The following COL5A2 variants were observed in gnomAD, a reference collection of about 807,000 sequenced individuals.
COL5A2 encodes collagen type V alpha 2 chain.
In COL5A2, 23 loss-of-function variants were observed where a neutral mutation model predicts 208.2. The observed-to-expected ratio is 0.11, with a 90% CI of 0.08 to 0.16. The LOEUF is 0.16. Ranked by LOEUF, COL5A2 falls within the 10% of genes least tolerant of loss-of-function variation. The pLI, the probability that COL5A2 is intolerant of heterozygous loss-of-function variation, is 1.00. For synonymous variants in COL5A2, 625 were observed against 628.5 expected (o/e 0.99, Z 0.08); for missense variants, 1,590 against 1,956.4 (o/e 0.81, Z 3.53).
intron 7 of COL5A2, among the ~76,000 whole-genome samples, chr2:189,089,181 T>G (rs1168271140): frequency 6.6e-6 from 1 of 152,224 alleles, no homozygotes; most frequent in Admixed American, 6.5e-5. Context: ...GTCCTAAAGA[T>G]TCCAGATTCC....
chr2:189,186,306 T>C (rs1688851367), intron 1 of COL5A2, among the ~76,000 whole-genome samples: 1 of 152,128 alleles, frequency 6.6e-6, no homozygotes, highest in African/African-American at 2.4e-5. Context: ...CAACAAACCA[T>C]AATTTTTGAA....
At chr2:189,072,778 A>AG (rs1436104621) in intron 17 of COL5A2, among the ~76,000 whole-genome samples, 2 of 151,822 alleles carry the variant, frequency 1.3e-5, no homozygotes, top group East Asian at 1.9e-4. Flanking sequence ...AAAAAAAAAA[A>AG]AAAAAAAACC....
the COL5A2 span, among the ~76,000 whole-genome samples, chr2:189,403,318 G>A: frequency 0.57 from 86,109 of 152,086 alleles, 26,158 homozygotes; most frequent in East Asian, 0.69. Flanking sequence ...GGGTTGAGAC[G>A]TGGGCTTTTC....
chr2:189,110,425 C>A lies in COL5A2; in HGVS notation c.122G>T (p.Cys41Phe). The change falls in exon 2 of 54, where the codon TGC becomes TTC. Residue 41 changes from cysteine (C) to phenylalanine (F), a missense_variant. Physicochemically the swap from Cys to Phe is radical, Grantham distance 205. Coordinates refer to ENST00000374866, the MANE Select transcript of COL5A2 (RefSeq NM_000393.5). ...TAAGTACATCTGGCCATTCTGAGTG[C>A]AGGCTATTTCTTCACCATATCCTTC... ...EDEGYGEEIA[C>F]TQNGQMYLNR... 1 of 1,613,828 alleles carries A rather than the reference C, an allele frequency of 6.2e-7. No individual in the cohort carries two copies. Among genetic ancestry groups the A allele is most frequent in the Non-Finnish European group, 8.5e-7 (1 of 1,179,734 alleles).
In COL5A2 at chr2:189,135,226, C is replaced by G. The variant is rs566808160; in HGVS notation, c.98-24777G>C. 2.0e-5 allele frequency among the ~76,000 whole-genome samples: 3 copies of G among 152,306 alleles called. No homozygotes were observed. In the South Asian group the frequency reaches 6.2e-4, roughly 32 times the overall value. ...AACCAAATTATAAAAACAGAACCTA[C>G]CACAGATGCTCATGGATTACTGGAC... On this transcript the variant is annotated intron_variant, in intron 1 of 53. Coordinates refer to ENST00000374866, the MANE Select transcript of COL5A2 (RefSeq NM_000393.5).
chr2:189,427,767 C>T, the COL5A2 span, among the ~76,000 whole-genome samples: 1 of 152,196 alleles, frequency 6.6e-6, no homozygotes, highest in Non-Finnish European at 1.5e-5. Context: ...TTTAAGCTCT[C>T]AACCCCCTGC....
intron 1 of COL5A2, among the ~76,000 whole-genome samples, chr2:189,130,662 T>C (rs1011279940): frequency 6.6e-6 from 1 of 151,854 alleles, no homozygotes; most frequent in Admixed American, 6.6e-5. Context: ...TGAAAAGATT[T>C]CAAACAGATC....
chr2:189,424,407 G>A, the COL5A2 span, among the ~76,000 whole-genome samples: 1 of 152,072 alleles, frequency 6.6e-6, no homozygotes, highest in Non-Finnish European at 1.5e-5. Flanking sequence ...CAGATGACAT[G>A]ACTTTATGTA....
intron 7 of COL5A2, 140 bp from the exon 8 acceptor site, chr2:189,088,912 C>T (rs1054537103): frequency 7.4e-5 from 56 of 751,846 alleles, no homozygotes; most frequent in Non-Finnish European, 1.9e-5. Context: ...GACTTTAAAG[C>T]CTGGAAAAAG....
rs1686149079 is a variant in COL5A2 at position 189,066,412 on chromosome 2, G to A, written c.1541C>T (p.Pro514Leu). 5.6e-6 allele frequency: 9 copies of A among 1,614,134 alleles called. No individual in the cohort carries two copies. The highest frequency in any genetic ancestry group is 5.3e-5 in the African/African-American group (4 of 75,060). Residue 514 changes from proline to leucine, a missense_variant, in exon 23 of 54, where the codon CCT becomes CTT. Transcript: ENST00000374866. ...GPRGDPGTVG[P>L]PGPVGERGAP... Reference sequence around the variant, plus strand: ...TACCCTTTCTCCCACTGGCCCTGGAGGACCAACTGTTCCTGGGTCACCTCT... The same window carrying A: ...TACCCTTTCTCCCACTGGCCCTGGAAGACCAACTGTTCCTGGGTCACCTCT...
At chr2:189,203,235 A>G (rs1689100192) in intron 1 of COL5A2, among the ~76,000 whole-genome samples, 1 of 152,180 alleles carries the variant, frequency 6.6e-6, no homozygotes, top group Admixed American at 6.5e-5. Flanking sequence ...TTCAAGTTTT[A>G]GCCAAAAAAG....
the COL5A2 span, among the ~76,000 whole-genome samples, chr2:189,410,962 A>T: frequency 6.6e-6 from 1 of 152,154 alleles, no homozygotes; most frequent in Non-Finnish European, 1.5e-5. Flanking sequence ...CAACTGTTTA[A>T]GCATGACTAA....
the COL5A2 span, among the ~76,000 whole-genome samples, chr2:189,438,888 T>C: frequency 6.6e-6 from 1 of 152,206 alleles, no homozygotes; most frequent in Non-Finnish European, 1.5e-5. Flanking sequence ...GCTGTTACAA[T>C]GATCTAGGAG....
the COL5A2 span, among the ~76,000 whole-genome samples, chr2:189,353,765 T>C: frequency 1.5e-4 from 23 of 152,324 alleles, no homozygotes; most frequent in African/African-American, 4.6e-4. Context: ...CTTTTCCTAT[T>C]TGAATACCGT....
At chr2:189,303,426 C>T in the COL5A2 span, among the ~76,000 whole-genome samples, 7 of 152,030 alleles carry the variant, frequency 4.6e-5, no homozygotes, top group Non-Finnish European at 7.4e-5. Flanking sequence ...CTCTATAGGC[C>T]CCCCAAAACT....
the COL5A2 span, among the ~76,000 whole-genome samples, chr2:189,235,671 T>C: frequency 6.6e-6 from 1 of 151,804 alleles, no homozygotes; most frequent in African/African-American, 2.4e-5. Flanking sequence ...AGTAATCCAT[T>C]GTATGAACAT....
chr2:189,402,765 T>A, the COL5A2 span, among the ~76,000 whole-genome samples: 2 of 150,208 alleles, frequency 1.3e-5, no homozygotes, highest in Non-Finnish European at 2.9e-5. Context: ...TCCGTTCTTG[T>A]AGCAGTACCA....
chr2:189,218,546 T>C (rs545711362), intron 1 of COL5A2, among the ~76,000 whole-genome samples: 1 of 152,250 alleles, frequency 6.6e-6, no homozygotes, highest in East Asian at 1.9e-4. Flanking sequence ...TGTGAGGGAA[T>C]AAATTTCTGT....
the COL5A2 span, among the ~76,000 whole-genome samples, chr2:189,263,226 C>T: frequency 1.2e-3 from 177 of 152,114 alleles, no homozygotes; most frequent in Middle Eastern, 3.4e-3. Context: ...AGAAGTATCC[C>T]ATCCTCCACC....
Sources: allele counts gnomAD v4.1 joint callset (sites outside exome capture counted in the v4.1 genomes callset), GRCh38; gene constraint gnomAD v4.1.1; transcripts MANE v1.5; gene names NCBI Gene and HGNC (gene_info 2026-07-23, HGNC 2026-07-21).